TSGA10: variants seen among roughly 807,000 people sequenced by gnomAD.
TSGA10 encodes testis-specific gene 10 protein.
Under a neutral mutation model 96.6 loss-of-function variants are expected in TSGA10, and 43 were observed. The ratio of observed to expected loss-of-function variants is 0.44; its 90% CI spans 0.35 to 0.57. The LOEUF (loss-of-function observed/expected upper bound fraction) is 0.57, where lower values mean the gene tolerates loss of function less well. TSGA10 is among the 20% of genes least tolerant of loss of function. The probability of loss-of-function intolerance (pLI) is 0.01; values close to 1 mark genes in which losing one functional copy is unlikely to be tolerated. For synonymous variants in TSGA10, 229 were observed against 269.9 expected, an observed-to-expected ratio of 0.85 and a Z score of 1.48; for missense variants, 703 against 834.4, an observed-to-expected ratio of 0.84 and a Z score of 1.94.
At chr2:99,070,215 A>C (rs2085779603) in intron 14 of TSGA10, among the ~76,000 whole-genome samples, 1 of 152,154 alleles carries the variant, frequency 6.6e-6, no homozygotes, top group Non-Finnish European at 1.5e-5. Flanking sequence ...AATAGCTATA[A>C]AATATTTATT....
intron 1 of TSGA10, chr2:99,147,473 C>T (rs778035643): frequency 6.2e-7 from 1 of 1,613,928 alleles, no homozygotes. Context: ...CCTTCATGTC[C>T]TCAACTCTGG....
At chr2:99,144,023 T>G (rs796661074) in intron 1 of TSGA10, among the ~76,000 whole-genome samples, 20 of 150,808 alleles carry the variant, frequency 1.3e-4, no homozygotes, top group African/African-American at 3.2e-4. Flanking sequence ...TGTTCCTTTT[T>G]TTTGTTTGTT....
intron 12 of TSGA10, among the ~76,000 whole-genome samples, chr2:99,074,115 C>A (rs558236877): frequency 6.8e-6 from 1 of 147,506 alleles, no homozygotes; most frequent in South Asian, 2.1e-4. Flanking sequence ...CAGGTTCAAG[C>A]GATTCTCCTG....
At chr2:99,058,967 T>C (rs1045389686) in intron 16 of TSGA10, among the ~76,000 whole-genome samples, 26 of 148,766 alleles carry the variant, frequency 1.7e-4, no homozygotes, top group Non-Finnish European at 3.0e-4. Context: ...ACCCAGGAGA[T>C]GGAGGTTGCA....
intron 1 of TSGA10, among the ~76,000 whole-genome samples, chr2:99,152,182 A>G (rs2093700413): frequency 6.6e-6 from 1 of 152,264 alleles, no homozygotes; most frequent in African/African-American, 2.4e-5. Flanking sequence ...CCTGTCTACT[A>G]GGAAAGACAG....
intron 16 of TSGA10, among the ~76,000 whole-genome samples, chr2:99,060,553 C>A (rs1285156892): frequency 6.6e-6 from 1 of 152,124 alleles, no homozygotes; most frequent in South Asian, 2.1e-4. Flanking sequence ...TAATGCTAAT[C>A]AAACCCCAAG....
Position 99,105,449 on chromosome 2 carries a change from C to A in TSGA10, c.382-13G>T. On this transcript the variant is annotated splice_polypyrimidine_tract_variant and intron_variant, in intron 8 of 20. Transcript: ENST00000393483. ...TCTCTTGAGCAATCTGATTAAAAAGCAAAAACAAAATAAAGTGATTTCAAT... is the reference window on the plus strand; with the variant it reads ...TCTCTTGAGCAATCTGATTAAAAAGAAAAAACAAAATAAAGTGATTTCAAT... 3 of 1,612,926 alleles carry A rather than the reference C, an allele frequency of 1.9e-6. No homozygotes were observed. The highest frequency in any genetic ancestry group is 2.5e-6 in the Non-Finnish European group (3 of 1,179,784).
intron 15 of TSGA10, among the ~76,000 whole-genome samples, chr2:99,068,461 A>G (rs1198847428): frequency 6.6e-6 from 1 of 152,210 alleles, no homozygotes; most frequent in African/African-American, 2.4e-5. Flanking sequence ...GATTGCTAAC[A>G]GAGAAGTGTG....
intron 16 of TSGA10, among the ~76,000 whole-genome samples, chr2:99,059,958 T>C (rs1558880348): frequency 6.9e-6 from 1 of 145,852 alleles, no homozygotes; most frequent in Non-Finnish European, 1.5e-5. Context: ...CTGCAGCTAA[T>C]ATCATATTCA....
At chr2:99,143,315 GTTTGTTT>G (rs1403817433) in intron 1 of TSGA10, among the ~76,000 whole-genome samples, 36 of 147,076 alleles carry the variant, frequency 2.4e-4, no homozygotes, top group African/African-American at 6.7e-4. Flanking sequence ...CTTTTTTTTT[GTTTGTTT>G]TTTGTTTTTT....
At position 99,068,979 on chromosome 2, in the gene TSGA10, T is replaced by C. The variant is rs565466425; in HGVS notation, c.1127A>G (p.Asn376Ser). The change falls in exon 15 of 21, where the codon AAT (asparagine) becomes AGT (serine). Residue 376 changes from asparagine to serine, a missense_variant. This residue lies in a region of TSGA10 where 585 missense variants were observed against 656.8 expected (regional missense o/e 0.89). Coordinates refer to ENST00000393483, the MANE Select transcript of TSGA10 (RefSeq NM_025244.4). ...QENQALSKKLNDTHNELNDIK... is the reference protein window; with the variant it reads ...QENQALSKKLSDTHNELNDIK... ...GTCATTAAGTTCATTATGAGTGTCATTCAATTTTTTGGACAGTGCCTACGA... is the reference window on the plus strand; with the variant it reads ...GTCATTAAGTTCATTATGAGTGTCACTCAATTTTTTGGACAGTGCCTACGA... 1.5e-5 allele frequency: 22 copies of C among 1,466,198 alleles called. No individual in the cohort carries two copies. In the East Asian group the frequency reaches 5.3e-4, roughly 35 times the overall value. 90.8% of individuals were successfully genotyped at this position (1,466,198 alleles called of 1,614,324 possible).
chr2:98,998,227 A>C lies in TSGA10; in HGVS notation c.2073-6T>G. 1 of 1,594,684 alleles carries C rather than the reference A, an allele frequency of 6.3e-7. No individual in the cohort carries two copies. ...AATCTCTGTAGCAAAGATTCCTATAAGAGAAAAAATCATGCTGATTAATAT... is the reference window on the plus strand; with the variant it reads ...AATCTCTGTAGCAAAGATTCCTATACGAGAAAAAATCATGCTGATTAATAT... On this transcript the variant is annotated splice_polypyrimidine_tract_variant and splice_region_variant and intron_variant, in intron 20 of 20. Coordinates refer to ENST00000393483, the MANE Select transcript of TSGA10 (RefSeq NM_025244.4).
At chr2:99,050,102 G>A (rs1452145824) in intron 16 of TSGA10, among the ~76,000 whole-genome samples, 1 of 152,018 alleles carries the variant, frequency 6.6e-6, no homozygotes, top group South Asian at 2.1e-4. Context: ...TTGGACTAAG[G>A]AAATGAAAAG....
In TSGA10 at chr2:99,088,095, T is replaced by C. The variant is rs1195308910; in HGVS notation, c.612-6698A>G. On this transcript the variant is annotated intron_variant, in intron 10 of 20. Coordinates refer to ENST00000393483, the MANE Select transcript of TSGA10 (RefSeq NM_025244.4). Reference sequence around the variant, plus strand: ...CTGTGGGAGAAAGAACTAGATAAAATTAATTCAGTGACTATTTTCTCAATT... The same window carrying C: ...CTGTGGGAGAAAGAACTAGATAAAACTAATTCAGTGACTATTTTCTCAATT... Among the ~76,000 whole-genome samples, 12 of 152,210 alleles carry C rather than the reference T, an allele frequency of 7.9e-5. No individual in the cohort carries two copies. The East Asian group carries it at 2.1e-3, about 27-fold the overall frequency.
Position 99,035,293 on chromosome 2 carries a change from T to C in TSGA10, c.1551A>G (p.Lys517=), listed in dbSNP as rs776057459. 9 of 1,612,864 alleles carry C rather than the reference T, an allele frequency of 5.6e-6. No homozygotes were observed. The highest frequency in any genetic ancestry group is 7.6e-6 in the Non-Finnish European group (9 of 1,179,242). The change falls in exon 17 of 21, where the codon AAA becomes AAG. Residue 517 remains lysine, a synonymous_variant. Coordinates refer to ENST00000393483, the MANE Select transcript of TSGA10 (RefSeq NM_025244.4). ...DLSSTRELCI[K]LDSSKELLNR... is the part of the protein sequence containing the mutation. ...TAAGAAGTTCTTTGCTTGAGTCAAG[T>C]TTAATACAGAGTTCCCTAGTAGAAG...
Position 99,117,411 on chromosome 2 carries a change from AC to A in TSGA10, c.-140+132del, listed in dbSNP as rs746186088. The A allele has an allele frequency of 1.2e-4, 30 of 251,756 alleles. No homozygotes were observed. In the East Asian group the frequency reaches 1.4e-3, roughly 12 times the overall value. The allele number at this position is 251,756 out of a possible 1,614,324, so 15.6% of individuals were successfully genotyped here. On this transcript the variant is annotated intron_variant, in intron 4 of 20. Transcript: ENST00000393483. ...AGAAACAATTTAATCCTTAGAACAG[AC>A]ATTTAAATATACTGTCAAATCTAAA...
intron 14 of TSGA10, 123 bp downstream of exon 14, chr2:99,071,583 T>TA (rs2085967296): frequency 1.2e-6 from 1 of 867,144 alleles, no homozygotes. Context: ...TTGTTATTTT[T>TA]TAAAAAAAAG....
At chr2:99,005,066 G>A (rs1296339734) in intron 20 of TSGA10, among the ~76,000 whole-genome samples, 24 of 152,206 alleles carry the variant, frequency 1.6e-4, no homozygotes, top group Admixed American at 9.8e-4. Flanking sequence ...AATAGAGGCA[G>A]AAAAGGCCTT....
rs980469766 is a variant in TSGA10 at position 99,117,720 on chromosome 2, A to G, written c.-316T>C. On this transcript the variant is annotated 5_prime_UTR_variant, in exon 4 of 21. Coordinates refer to ENST00000393483, the MANE Select transcript of TSGA10 (RefSeq NM_025244.4). ...TTACTATCCAAGAGTTTCCTAACAT[A>G]TTCTTCCAAGCCATGATTTGTCTGT... The G allele has an allele frequency of 1.0e-6, 1 of 985,628 alleles. No homozygotes were observed. Among genetic ancestry groups the G allele is most frequent in the Non-Finnish European group, 1.2e-6 (1 of 829,930 alleles). The allele number at this position is 985,628 out of a possible 1,614,324, so 61.1% of individuals were successfully genotyped here.
Sources: gnomAD v4.1 joint callset for allele counts (sites outside exome capture counted in the v4.1 genomes callset) on GRCh38, gnomAD v4.1.1 for gene constraint, gnomAD v4.1.1 regional missense constraint, MANE v1.5 for transcripts, NCBI Gene and HGNC (gene_info 2026-07-23, HGNC 2026-07-21) for gene names.